The following GIGYF2 variants were observed in gnomAD, a reference collection of about 807,000 sequenced individuals.
GIGYF2 encodes GRB10 interacting GYF protein 2, also known as GRB10-interacting GYF protein 2.
A neutral mutation model predicts 208.1 loss-of-function variants in GIGYF2; 25 were observed. The observed-to-expected ratio is 0.12, with a 90% CI of 0.09 to 0.17. GIGYF2 has a LOEUF of 0.17. Ranked by LOEUF, GIGYF2 falls within the 10% of genes least tolerant of loss-of-function variation. The pLI, the probability that GIGYF2 is intolerant of heterozygous loss-of-function variation, is 1.00. For synonymous variants in GIGYF2, 534 were observed against 543.8 expected (o/e 0.98, Z 0.25); for missense variants, 1,302 against 1,579.4 (o/e 0.82, Z 2.98).
chr2:232,817,891 G>A (rs1700962029), intron 20 of GIGYF2, among the ~76,000 whole-genome samples: 1 of 152,130 alleles, frequency 6.6e-6, no homozygotes, highest in Non-Finnish European at 1.5e-5. Context: ...CCTAGAAGTG[G>A]AGTTGCTGGA....
At chr2:232,787,354 A>G in intron 9 of GIGYF2, 25 bp downstream of exon 9, 1 of 1,594,446 alleles carries the variant, frequency 6.3e-7, no homozygotes, top group Non-Finnish European at 8.6e-7. Flanking sequence ...GAGTAAAGGC[A>G]CACAGGGACT....
chr2:232,753,097 G>GTATTTATTTATT (rs58602448), intron 5 of GIGYF2, among the ~76,000 whole-genome samples: 326 of 143,386 alleles, frequency 2.3e-3, no homozygotes, highest in Non-Finnish European at 3.4e-3. Flanking sequence ...ACACTTGACA[G>GTATTTATTTATT]TATTTATTTA....
chr2:232,728,722 C>G (rs968361361), intron 2 of GIGYF2, among the ~76,000 whole-genome samples: 8 of 152,254 alleles, frequency 5.3e-5, no homozygotes, highest in African/African-American at 1.9e-4. Context: ...AAATGACACC[C>G]CTACTCTCTG....
chr2:232,780,992 G>T (rs1410948753), intron 8 of GIGYF2, among the ~76,000 whole-genome samples: 2 of 151,886 alleles, frequency 1.3e-5, no homozygotes, highest in Admixed American at 6.6e-5. Context: ...GAGTCTTGCT[G>T]TGTTGCCCAG....
At chr2:232,828,982 T>C (rs1214471103) in intron 21 of GIGYF2, among the ~76,000 whole-genome samples, 1 of 152,226 alleles carries the variant, frequency 6.6e-6, no homozygotes, top group African/African-American at 2.4e-5. Flanking sequence ...GTCAGGGTGG[T>C]TGGTAACATT....
chr2:232,717,096 G>T (rs774760862), intron 2 of GIGYF2, among the ~76,000 whole-genome samples: 3 of 152,020 alleles, frequency 2.0e-5, no homozygotes, highest in Non-Finnish European at 4.4e-5. Flanking sequence ...TTACAGGCGT[G>T]AGCCACCATA....
At chr2:232,812,325 C>T (rs1700756298) in intron 17 of GIGYF2, 66 bp from the exon 18 acceptor site, 1 of 769,084 alleles carries the variant, frequency 1.3e-6, no homozygotes, top group Non-Finnish European at 2.3e-6. Context: ...AGAAATTCCT[C>T]TTCATCTTTT....
At chr2:232,810,022 CT>C (rs1700685405) in intron 16 of GIGYF2, among the ~76,000 whole-genome samples, 1 of 152,234 alleles carries the variant, frequency 6.6e-6, no homozygotes, top group African/African-American at 2.4e-5. Context: ...GAGCCTCACT[CT>C]GTCATCCAGG....
chr2:232,772,230 GA>G (rs1300912841), intron 8 of GIGYF2, among the ~76,000 whole-genome samples: 1 of 152,084 alleles, frequency 6.6e-6, no homozygotes, highest in African/African-American at 2.4e-5. Flanking sequence ...AGAGTTTTAT[GA>G]TTAGGCTTTA....
intron 9 of GIGYF2, among the ~76,000 whole-genome samples, chr2:232,787,936 C>T (rs1326257877): frequency 6.6e-6 from 1 of 152,152 alleles, no homozygotes; most frequent in Admixed American, 6.5e-5. Flanking sequence ...TCTTCTTGGA[C>T]ATTAGATATG....
chr2:232,784,717 A>G (rs283477), intron 8 of GIGYF2, among the ~76,000 whole-genome samples: 47,701 of 152,002 alleles, frequency 0.31, 7,820 homozygotes, highest in South Asian at 0.62. Flanking sequence ...TTTTTGATAT[A>G]TCAGATATTA....
Position 232,857,009 on chromosome 2 carries a change from G to T in GIGYF2, c.*149G>T, listed in dbSNP as rs987519528. On this transcript the variant is annotated 3_prime_UTR_variant, in exon 29 of 29. Transcript: ENST00000373563. ...CTCAGGCTTTTTCTTCTGGCCCTTTGTGTCCAAGATTCTTTAATCCATTTT... is the reference window on the plus strand; with the variant it reads ...CTCAGGCTTTTTCTTCTGGCCCTTTTTGTCCAAGATTCTTTAATCCATTTT... 5.6e-6 allele frequency: 4 copies of T among 719,390 alleles called. No individual in the cohort carries two copies. In the Admixed American group the frequency reaches 7.9e-5, roughly 14 times the overall value. 44.6% of individuals were successfully genotyped at this position (719,390 alleles called of 1,614,324 possible). A position where few individuals can be genotyped will look rare whatever the true frequency, so the allele number is the denominator to read the frequency against.
chr2:232,718,521 T>A (rs10205567), intron 2 of GIGYF2, among the ~76,000 whole-genome samples: 3,559 of 152,316 alleles, frequency 0.023, 151 homozygotes, highest in African/African-American at 0.08. Flanking sequence ...TTGACAATTA[T>A]AAATAAAGCT....
At position 232,844,096 on chromosome 2, in the gene GIGYF2, A is replaced by AGCAG; in HGVS notation, c.2940_2941insGCAG (p.Gln981AlafsTer52). The stretch of plus-strand genomic sequence containing the variant: ...TGAAAGCTCTTCAGCAGCAGCAGCA[A>AGCAG]CAGCAACAGCAGAAACTCTCAGGTT... On this transcript the variant is annotated frameshift_variant, in exon 24 of 29. Coordinates refer to ENST00000373563, the MANE Select transcript of GIGYF2 (RefSeq NM_001103146.3). LOFTEE classifies it high-confidence loss of function. 6 of 1,602,450 alleles carry AGCAG rather than the reference A, an allele frequency of 3.7e-6. No homozygotes were observed. The highest frequency in any genetic ancestry group is 5.1e-6 in the Non-Finnish European group (6 of 1,171,542).
chr2:232,837,207 G>T (rs1701666960), intron 22 of GIGYF2, among the ~76,000 whole-genome samples: 1 of 152,166 alleles, frequency 6.6e-6, no homozygotes, highest in South Asian at 2.1e-4. Flanking sequence ...CTGCCATCAG[G>T]GTGAGACACA....
rs148654885 is a variant in GIGYF2 at position 232,724,010 on chromosome 2, G to A, written c.-43-11145G>A. Among the ~76,000 whole-genome samples, 1,316 of 149,886 alleles carry A rather than the reference G, an allele frequency of 8.8e-3. 35 individuals carry two copies. The highest frequency in any genetic ancestry group is 0.055 in the Admixed American group (830 of 15,020). On this transcript the variant is annotated intron_variant, in intron 2 of 28. Coordinates refer to ENST00000373563, the MANE Select transcript of GIGYF2 (RefSeq NM_001103146.3). ...CGGCCTCCGAAAGTGCTGGGATTAC[G>A]GGTATGAGCCACTGCGCCCAGCCTT...
intron 8 of GIGYF2, among the ~76,000 whole-genome samples, chr2:232,785,470 G>A (rs368171570): frequency 7.2e-5 from 11 of 152,166 alleles, no homozygotes; most frequent in African/African-American, 1.9e-4. Context: ...GCTTCTCCAC[G>A]AGGTCTGTGT....
intron 14 of GIGYF2, among the ~76,000 whole-genome samples, chr2:232,797,488 C>CTT (rs992580489): frequency 1.4e-4 from 7 of 49,158 alleles, no homozygotes; most frequent in Non-Finnish European, 2.6e-4. Flanking sequence ...GAGAGCAGGG[C>CTT]TTGTGTGTGT....
intron 14 of GIGYF2, among the ~76,000 whole-genome samples, chr2:232,805,222 C>T (rs1700523012): frequency 6.6e-6 from 1 of 152,100 alleles, no homozygotes; most frequent in Admixed American, 6.6e-5. Flanking sequence ...TGTAAAGTCA[C>T]TTCACTTCTG....
Sources: allele counts gnomAD v4.1 joint callset (sites outside exome capture counted in the v4.1 genomes callset), GRCh38; gene constraint gnomAD v4.1.1; transcripts MANE v1.5; gene names NCBI Gene and HGNC (gene_info 2026-07-23, HGNC 2026-07-21).